The following ADGRB3 variants were observed in gnomAD, a reference collection of about 807,000 sequenced individuals.
ADGRB3 encodes the protein adhesion G protein-coupled receptor B3, also known as brain-specific angiogenesis inhibitor 3.
In ADGRB3, 37 loss-of-function variants were observed where a neutral mutation model predicts 193.4. The ratio of observed to expected loss-of-function variants is 0.19; its 90% CI spans 0.15 to 0.25. ADGRB3 has a LOEUF of 0.25. ADGRB3 is among the 10% of genes least tolerant of loss of function. ADGRB3 has a pLI of 1.00. For synonymous variants in ADGRB3, 690 were observed against 644.2 expected (o/e 1.07, Z -1.08); for missense variants, 1,637 against 1,852.9 (o/e 0.88, Z 2.14).
intron 3 of ADGRB3, among the ~76,000 whole-genome samples, chr6:68,891,798 G>A (rs1358055289): frequency 6.6e-6 from 1 of 152,136 alleles, no homozygotes; most frequent in African/African-American, 2.4e-5. Context: ...GAAGGGAAAG[G>A]AATTAGAGAA....
intron 3 of ADGRB3, among the ~76,000 whole-genome samples, chr6:68,643,438 C>CTTTTTTTTTTTTTTTTTT (rs765489730): frequency 1.5e-5 from 1 of 65,030 alleles, no homozygotes; most frequent in African/African-American, 6.5e-5. Flanking sequence ...CTTCATCTTC[C>CTTTTTTTTTTTTTTTTTT]TTTTTTTTTT....
chr6:69,203,232 C>T (rs1049752202), intron 17 of ADGRB3, among the ~76,000 whole-genome samples: 8 of 152,132 alleles, frequency 5.3e-5, no homozygotes, highest in African/African-American at 1.4e-4. Context: ...GAAAGTACAA[C>T]GGCATTGCCT....
At chr6:68,975,745 A>G (rs1768725596) in intron 10 of ADGRB3, among the ~76,000 whole-genome samples, 1 of 152,228 alleles carries the variant, frequency 6.6e-6, no homozygotes, top group African/African-American at 2.4e-5. Context: ...AAGCTGTGTC[A>G]CTTAGCTATC....
intron 3 of ADGRB3, among the ~76,000 whole-genome samples, chr6:68,878,330 G>A (rs1765646119): frequency 6.6e-6 from 1 of 151,774 alleles, no homozygotes; most frequent in Non-Finnish European, 1.5e-5. Flanking sequence ...TGATCCTAAA[G>A]ACTAATGTGT....
chr6:69,038,244 G>A (rs1439459814), intron 13 of ADGRB3, among the ~76,000 whole-genome samples: 1 of 152,004 alleles, frequency 6.6e-6, no homozygotes, highest in Middle Eastern at 3.2e-3. Flanking sequence ...CTGCATTGGT[G>A]CCTAACTCCT....
At chr6:68,877,642 T>C (rs1765628994) in intron 3 of ADGRB3, among the ~76,000 whole-genome samples, 1 of 152,120 alleles carries the variant, frequency 6.6e-6, no homozygotes, top group African/African-American at 2.4e-5. Flanking sequence ...TCTGAAAATC[T>C]TTTCTAAAGT....
chr6:69,005,574 C>T (rs3799002), intron 11 of ADGRB3, among the ~76,000 whole-genome samples: 61,612 of 151,854 alleles, frequency 0.41, 13,156 homozygotes, highest in Middle Eastern at 0.46. Context: ...TTTGTGACCA[C>T]GTGACTATTA....
At chr6:68,787,583 G>A (rs571774865) in intron 3 of ADGRB3, among the ~76,000 whole-genome samples, 16 of 152,158 alleles carry the variant, frequency 1.1e-4, no homozygotes, top group Admixed American at 2.6e-4. Flanking sequence ...TTTTTGCATC[G>A]ATGTTCATCA....
chr6:69,249,485 C>G (rs1312411852), intron 20 of ADGRB3, among the ~76,000 whole-genome samples: 1 of 152,132 alleles, frequency 6.6e-6, no homozygotes, highest in African/African-American at 2.4e-5. Flanking sequence ...TAGAAGAAAA[C>G]TTCTTAATGT....
At chr6:69,300,524 A>G (rs1208944361) in intron 20 of ADGRB3, among the ~76,000 whole-genome samples, 1 of 151,842 alleles carries the variant, frequency 6.6e-6, no homozygotes, top group Non-Finnish European at 1.5e-5. Context: ...AAGAAGTCAA[A>G]TTATCCTTAT....
Position 68,735,702 on chromosome 6 carries a change from G to A in ADGRB3, c.757+96270G>A, listed in dbSNP as rs534115784. Among the ~76,000 whole-genome samples, 3 of 152,144 alleles carry A rather than the reference G, an allele frequency of 2.0e-5. No homozygotes were observed. The South Asian group carries it at 6.2e-4, about 32-fold the overall frequency. ...TTGTCTTTTTACCATGCTTGTGTGA[G>A]ATCATTATTCCATGGACGCTTATGG... On this transcript the variant is annotated intron_variant, in intron 3 of 31. Coordinates refer to ENST00000370598, the MANE Select transcript of ADGRB3 (RefSeq NM_001704.3).
At chr6:68,699,281 G>A (rs1335810477) in intron 3 of ADGRB3, among the ~76,000 whole-genome samples, 2 of 152,014 alleles carry the variant, frequency 1.3e-5, no homozygotes, top group African/African-American at 4.8e-5. Context: ...CTCCTATTGA[G>A]AGAAAAACTA....
intron 20 of ADGRB3, among the ~76,000 whole-genome samples, chr6:69,263,676 T>C (rs192219437): frequency 5.9e-5 from 9 of 152,120 alleles, no homozygotes; most frequent in Middle Eastern, 3.4e-3. Context: ...TGTTTGCTTT[T>C]GGATTAATTT....
intron 3 of ADGRB3, among the ~76,000 whole-genome samples, chr6:68,856,413 C>A (rs1226626438): frequency 6.6e-6 from 1 of 152,102 alleles, no homozygotes; most frequent in African/African-American, 2.4e-5. Context: ...GACCAAAATT[C>A]TGATAGTTAT....
At position 69,156,405 on chromosome 6, in the gene ADGRB3, G is replaced by A. The variant is rs139115776; in HGVS notation, c.2481-76885G>A. On this transcript the variant is annotated intron_variant, in intron 17 of 31. Transcript: ENST00000370598. ...TGAGAAGGAGCCCTGTGAAGAGATG[G>A]GACAAAAATGCTTGCAGATGAGGAC... is the stretch of plus-strand genomic sequence containing the variant. Among the ~76,000 whole-genome samples, 183 of 152,228 alleles carry A rather than the reference G, an allele frequency of 1.2e-3. 2 individuals are homozygous for A. In the South Asian group the frequency reaches 0.03, roughly 25 times the overall value.
chr6:69,260,417 T>C (rs988306192), intron 20 of ADGRB3, among the ~76,000 whole-genome samples: 5 of 152,164 alleles, frequency 3.3e-5, no homozygotes, highest in Non-Finnish European at 7.4e-5. Flanking sequence ...GTGTCCCTCA[T>C]TGGAAGCAGA....
intron 26 of ADGRB3, among the ~76,000 whole-genome samples, chr6:69,341,831 A>G (rs1309858075): frequency 6.6e-6 from 1 of 152,156 alleles, no homozygotes; most frequent in Non-Finnish European, 1.5e-5. Context: ...GCTTTAAGTA[A>G]GATACATGAT....
chr6:69,169,497 A>C (rs6915681), intron 17 of ADGRB3, among the ~76,000 whole-genome samples: 32,929 of 149,776 alleles, frequency 0.22, 3,906 homozygotes, highest in Middle Eastern at 0.28. Context: ...AAAAGTAATT[A>C]CAAATTATAA....
At chr6:69,372,365 T>G (rs1376880307) in intron 29 of ADGRB3, 41 bp from the exon 30 acceptor site, 2 of 1,166,732 alleles carry the variant, frequency 1.7e-6, no homozygotes, top group South Asian at 3.2e-5. Context: ...AAACATAACT[T>G]TATTGGTTTT....
Sources: allele counts gnomAD v4.1 joint callset (sites outside exome capture counted in the v4.1 genomes callset), GRCh38; gene constraint gnomAD v4.1.1; transcripts MANE v1.5; gene names NCBI Gene and HGNC (gene_info 2026-07-23, HGNC 2026-07-21).